The following FAM13A variants were observed in gnomAD, a reference collection of about 807,000 sequenced individuals.
FAM13A encodes the protein protein FAM13A.
In FAM13A, 76 loss-of-function variants were observed where a neutral mutation model predicts 129.6. The ratio of observed to expected loss-of-function variants is 0.59; its 90% CI spans 0.49 to 0.71. The LOEUF (loss-of-function observed/expected upper bound fraction) is 0.71. FAM13A is among the 30% of genes least tolerant of loss of function. The pLI is 0.00. For synonymous variants in FAM13A, 443 were observed against 449.9 expected, an observed-to-expected ratio of 0.98 and a Z score of 0.20; for missense variants, 1,108 against 1,249.3, an observed-to-expected ratio of 0.89 and a Z score of 1.70.
chr4:88,980,447 T>C (rs1025413754), intron 4 of FAM13A, among the ~76,000 whole-genome samples: 10 of 152,212 alleles, frequency 6.6e-5, no homozygotes, highest in African/African-American at 2.4e-4. Context: ...CAAGTGGCAG[T>C]AGGATTGCCA....
intron 5 of FAM13A, among the ~76,000 whole-genome samples, chr4:88,921,563 G>C (rs1173266488): frequency 6.6e-6 from 1 of 152,124 alleles, no homozygotes; most frequent in Non-Finnish European, 1.5e-5. Flanking sequence ...ACTAAACATG[G>C]AAAGGAACAA....
intron 3 of FAM13A, among the ~76,000 whole-genome samples, chr4:89,003,774 G>A (rs1374930519): frequency 2.6e-5 from 4 of 151,888 alleles, no homozygotes; most frequent in African/African-American, 7.2e-5. Flanking sequence ...ATCAATATTC[G>A]AAGAAATTGT....
intron 3 of FAM13A, among the ~76,000 whole-genome samples, chr4:88,996,371 T>C (rs1763541223): frequency 6.6e-6 from 1 of 152,112 alleles, no homozygotes; most frequent in Non-Finnish European, 1.5e-5. Flanking sequence ...TGTAACCATC[T>C]AGAAGGAAAG....
At chr4:88,760,854 G>A (rs72870525) in intron 13 of FAM13A, among the ~76,000 whole-genome samples, 15,490 of 151,280 alleles carry the variant, frequency 0.1, 1,062 homozygotes, top group African/African-American at 0.19. Flanking sequence ...GGGAGGGGTC[G>A]TGGGCGGGGG....
chr4:89,015,569 A>T (rs760740156), intron 3 of FAM13A, among the ~76,000 whole-genome samples: 1 of 152,218 alleles, frequency 6.6e-6, no homozygotes, highest in African/African-American at 2.4e-5. Context: ...TGTTTGTATT[A>T]ATCTGCCTGT....
intron 19 of FAM13A, among the ~76,000 whole-genome samples, chr4:88,740,546 TA>T (rs1317395112): frequency 6.6e-6 from 1 of 152,250 alleles, no homozygotes; most frequent in Non-Finnish European, 1.5e-5. Flanking sequence ...TGCTTCAAGT[TA>T]GCTGTTTGTC....
At chr4:88,750,034 A>T in intron 15 of FAM13A, 125 bp from the exon 16 acceptor site, 1 of 887,070 alleles carries the variant, frequency 1.1e-6, no homozygotes, top group Non-Finnish European at 1.7e-6. Context: ...GAGACAAAAC[A>T]GCCTCTCTCC....
chr4:88,896,076 A>C (rs1347816131), intron 6 of FAM13A, among the ~76,000 whole-genome samples: 2 of 150,778 alleles, frequency 1.3e-5, no homozygotes, highest in Non-Finnish European at 3.0e-5. Context: ...TACACCATGG[A>C]ATACTATGCA....
At chr4:88,799,426 T>C (rs1024122389) in intron 8 of FAM13A, among the ~76,000 whole-genome samples, 1 of 152,056 alleles carries the variant, frequency 6.6e-6, no homozygotes, top group Non-Finnish European at 1.5e-5. Context: ...GTAAATAGTA[T>C]GGAAGTTCCT....
Position 88,747,027 on chromosome 4 carries a change from C to T in FAM13A, c.2383-12G>A. 3.8e-6 allele frequency: 6 copies of T among 1,562,634 alleles called. No individual in the cohort carries two copies. The highest frequency in any genetic ancestry group is 2.2e-5 in the South Asian group (2 of 89,422). On this transcript the variant is annotated splice_polypyrimidine_tract_variant and intron_variant, in intron 18 of 23. Transcript: ENST00000264344. ...TCTTTGGTCATATCCTGTATAAACA[C>T]AGGGATAGAGAATTGAAAGAGAGGA... is the stretch of plus-strand genomic sequence containing the variant.
chr4:88,737,383 TC>T, intron 21 of FAM13A, 88 bp downstream of exon 21: 1 of 1,128,622 alleles, frequency 8.9e-7, no homozygotes, highest in East Asian at 2.3e-5. Flanking sequence ...AAAGGCCCGA[TC>T]ACACCCCCTT....
At chr4:88,777,962 A>C (rs1722104861) in intron 11 of FAM13A, among the ~76,000 whole-genome samples, 1 of 151,968 alleles carries the variant, frequency 6.6e-6, no homozygotes, top group Non-Finnish European at 1.5e-5. Flanking sequence ...AACTTACCTC[A>C]TTTTTCTTCT....
At chr4:88,980,803 C>A (rs969542766) in intron 4 of FAM13A, among the ~76,000 whole-genome samples, 1 of 152,156 alleles carries the variant, frequency 6.6e-6, no homozygotes, top group African/African-American at 2.4e-5. Context: ...AAAATGACAG[C>A]AACATTATAA....
chr4:88,729,230 G>C (rs1176504689), intron 23 of FAM13A: 1 of 152,612 alleles, frequency 6.6e-6, no homozygotes, highest in African/African-American at 2.4e-5. Context: ...GAGCTTATAG[G>C]TCAAGCCCTG....
At chr4:88,949,176 TAA>T (rs1756495279) in intron 4 of FAM13A, among the ~76,000 whole-genome samples, 1 of 152,222 alleles carries the variant, frequency 6.6e-6, no homozygotes, top group African/African-American at 2.4e-5. Context: ...TGTCTTAATC[TAA>T]GTCATTAATA....
chr4:88,754,613 A>G (rs1198428033), intron 14 of FAM13A, among the ~76,000 whole-genome samples: 1 of 152,170 alleles, frequency 6.6e-6, no homozygotes, highest in Admixed American at 6.5e-5. Context: ...CCCAGACATA[A>G]AAAGATGTAA....
intron 2 of FAM13A, among the ~76,000 whole-genome samples, chr4:89,027,820 G>C (rs1768165400): frequency 6.6e-6 from 1 of 152,016 alleles, no homozygotes; most frequent in Non-Finnish European, 1.5e-5. Flanking sequence ...TATACACATG[G>C]ATACACTGGA....
intron 19 of FAM13A, among the ~76,000 whole-genome samples, chr4:88,742,335 T>C (rs1285167714): frequency 6.6e-6 from 1 of 152,234 alleles, no homozygotes; most frequent in Non-Finnish European, 1.5e-5. Flanking sequence ...CATTGATATT[T>C]AGATTTTCTA....
intron 4 of FAM13A, among the ~76,000 whole-genome samples, chr4:88,939,066 G>A (rs953965205): frequency 6.6e-6 from 1 of 152,166 alleles, no homozygotes; most frequent in Non-Finnish European, 1.5e-5. Flanking sequence ...CTACTTATCT[G>A]TATTAATTTT....
Sources: allele counts gnomAD v4.1 joint callset (sites outside exome capture counted in the v4.1 genomes callset), GRCh38; gene constraint gnomAD v4.1.1; transcripts MANE v1.5; gene names NCBI Gene and HGNC (gene_info 2026-07-23, HGNC 2026-07-21).